Variants in SYNE1 observed in about 807,000 individuals in gnomAD.
SYNE1 encodes the protein nesprin-1.
Under a neutral mutation model 1,111.0 loss-of-function variants are expected in SYNE1, and 616 were observed. That is an observed-to-expected ratio of 0.55 (90% CI 0.52 to 0.59). The LOEUF is 0.59. SYNE1 is among the 20% of genes least tolerant of loss of function. The pLI, the probability that SYNE1 is intolerant of heterozygous loss-of-function variation, is 0.00. For synonymous variants in SYNE1, 3,855 were observed against 3,825.8 expected, an observed-to-expected ratio of 1.01 and a Z score of -0.28; for missense variants, 10,006 against 10,417.0, an observed-to-expected ratio of 0.96 and a Z score of 1.72.
chr6:152,196,596 A>T (rs2074184625), intron 127 of SYNE1, among the ~76,000 whole-genome samples: 1 of 151,996 alleles, frequency 6.6e-6, no homozygotes, highest in South Asian at 2.1e-4. Context: ...CATGGAATGA[A>T]GGCTTCATGA....
chr6:152,620,477 A>G (rs770988033), intron 3 of SYNE1, among the ~76,000 whole-genome samples: 16 of 152,176 alleles, frequency 1.1e-4, no homozygotes, highest in Non-Finnish European at 2.4e-4. Context: ...TCTACCAGGT[A>G]TCTAAAATGT....
At chr6:152,449,334 T>TAACC (rs1438091671) in intron 28 of SYNE1, among the ~76,000 whole-genome samples, 199 bp downstream of exon 28, 1 of 152,234 alleles carries the variant, frequency 6.6e-6, no homozygotes, top group African/African-American at 2.4e-5. Flanking sequence ...GGAGCATGAC[T>TAACC]AACCCTCAAA....
intron 90 of SYNE1, among the ~76,000 whole-genome samples, chr6:152,309,514 A>G (rs2095485313): frequency 6.6e-6 from 1 of 152,214 alleles, no homozygotes. Context: ...AACCTGTATT[A>G]TCAGTTTGTA....
At chr6:152,145,319 T>C (rs1305331812) in intron 137 of SYNE1, 4 of 688,926 alleles carry the variant, frequency 5.8e-6, no homozygotes, top group African/African-American at 3.6e-5. Context: ...AATCTTATTC[T>C]TGGTGTGGAT....
At chr6:152,496,048 CTCT>C (rs1163230189) in intron 11 of SYNE1, among the ~76,000 whole-genome samples, 1 of 152,098 alleles carries the variant, frequency 6.6e-6, no homozygotes, top group African/African-American at 2.4e-5. Context: ...TGCACAAGGT[CTCT>C]TCTTCTGTGA....
intron 3 of SYNE1, among the ~76,000 whole-genome samples, chr6:152,574,414 T>C (rs977577658): frequency 1.3e-5 from 2 of 152,116 alleles, no homozygotes; most frequent in Non-Finnish European, 2.9e-5. Context: ...TTTGCTCTTG[T>C]TCTTGCCTTT....
chr6:152,222,232 G>C (rs921751173), intron 117 of SYNE1, among the ~76,000 whole-genome samples: 2 of 152,208 alleles, frequency 1.3e-5, no homozygotes, highest in African/African-American at 4.8e-5. Flanking sequence ...CCAGAAGTGT[G>C]AGTGGCACCC....
At chr6:152,348,758 TC>T (rs5880966) in intron 72 of SYNE1, among the ~76,000 whole-genome samples, 85,195 of 149,204 alleles carry the variant, frequency 0.57, 24,305 homozygotes, top group East Asian at 0.65. Context: ...TTTTTTTTTT[TC>T]CTGTTATATG....
chr6:152,491,835 C>T (rs2098972245), intron 11 of SYNE1, among the ~76,000 whole-genome samples: 1 of 152,010 alleles, frequency 6.6e-6, no homozygotes, highest in Admixed American at 6.6e-5. Context: ...CATCTGACCT[C>T]TCCCCTCCTC....
At chr6:152,618,281 G>C (rs6557235) in intron 3 of SYNE1, among the ~76,000 whole-genome samples, 29,609 of 152,176 alleles carry the variant, frequency 0.19, 3,136 homozygotes, top group African/African-American at 0.27. Flanking sequence ...GAAAAAGCAG[G>C]CCATGAATAC....
Position 152,450,627 on chromosome 6 carries a change from G to A in SYNE1, c.3393C>T (p.Ser1131=). ...EDPDKWKDYT[S]RFSEFSSWIS... is the part of the protein sequence containing the mutation. ...TCTGGAGGCCATTCTGAGGCTACCT[G>A]CTAGTGTAGTCCTTCCACTTGTCTG... Residue 1131 remains serine, a splice_region_variant and synonymous_variant, in exon 27 of 146, where the codon AGC becomes AGT. Transcript: ENST00000367255. 2 of 1,613,672 alleles carry A rather than the reference G, an allele frequency of 1.2e-6. No individual in the cohort carries two copies. The highest frequency in any genetic ancestry group is 2.2e-5 in the East Asian group (1 of 44,886).
intron 6 of SYNE1, among the ~76,000 whole-genome samples, chr6:152,513,900 G>A (rs2099098417): frequency 6.6e-6 from 1 of 152,174 alleles, no homozygotes; most frequent in South Asian, 2.1e-4. Context: ...CTGGTCATTA[G>A]AGAAATGCAA....
chr6:152,224,470 G>T, intron 117 of SYNE1, 24 bp downstream of exon 117: 1 of 1,608,912 alleles, frequency 6.2e-7, no homozygotes, highest in Non-Finnish European at 8.5e-7. Context: ...TGAACGTTAA[G>T]GATGTGTTAA....
At chr6:152,258,991 C>T (rs186834170) in intron 101 of SYNE1, among the ~76,000 whole-genome samples, 5 of 152,162 alleles carry the variant, frequency 3.3e-5, no homozygotes, top group East Asian at 1.9e-4. Flanking sequence ...GTGATCCGCC[C>T]GCCTCAGCCT....
At chr6:152,427,653 G>A (rs889547696) in intron 38 of SYNE1, 40 bp downstream of exon 38, 1 of 1,612,014 alleles carries the variant, frequency 6.2e-7, no homozygotes, top group South Asian at 1.1e-5. Flanking sequence ...GTAACAAAAA[G>A]CATTTTATTT....
chr6:152,373,145 G>T lies in SYNE1; in HGVS notation c.9399C>A (p.Thr3133=), dbSNP rs776410496. The part of the protein sequence containing the change: ...MMLSKGELLS[T]LLTKEKAKGI... ...CTTTCGCTTTCTCTTTGGTCAGCAG[G>T]GTACTCAGAAGTTCCCCTTTAGACA... is the stretch of plus-strand genomic sequence containing the variant. The change falls in exon 59 of 146, where the codon ACC becomes ACA. Residue 3133 remains threonine (T), a synonymous_variant. Coordinates refer to ENST00000367255, the MANE Select transcript of SYNE1 (RefSeq NM_182961.4). 3 of 1,613,660 alleles carry T rather than the reference G, an allele frequency of 1.9e-6. No homozygotes were observed. In the East Asian group the frequency reaches 6.7e-5, roughly 36 times the overall value.
intron 104 of SYNE1, among the ~76,000 whole-genome samples, chr6:152,253,111 G>T (rs1046427401): frequency 3.9e-5 from 6 of 152,144 alleles, no homozygotes; most frequent in Non-Finnish European, 8.8e-5. Context: ...AGACTGAGTT[G>T]CTGGTGGTAC....
intron 44 of SYNE1, among the ~76,000 whole-genome samples, chr6:152,407,779 T>TTTTTA (rs2097922538): frequency 7.6e-6 from 1 of 131,096 alleles, no homozygotes; most frequent in African/African-American, 2.9e-5. Context: ...TTTTTTTTTT[T>TTTTTA]GAGACGGAAT....
At chr6:152,616,118 T>C (rs1425876894) in intron 3 of SYNE1, among the ~76,000 whole-genome samples, 2 of 152,226 alleles carry the variant, frequency 1.3e-5, no homozygotes, top group Non-Finnish European at 2.9e-5. Flanking sequence ...TGATCTTTCC[T>C]TGTAAAGAAA....
Sources: allele counts gnomAD v4.1 joint callset (sites outside exome capture counted in the v4.1 genomes callset), GRCh38; gene constraint gnomAD v4.1.1; transcripts MANE v1.5; gene names NCBI Gene and HGNC (gene_info 2026-07-23, HGNC 2026-07-21).